Variants in KHDRBS2 observed in about 807,000 individuals in gnomAD.
KHDRBS2 encodes KH domain-containing, RNA-binding, signal transduction-associated protein 2.
In KHDRBS2, 26 loss-of-function variants were observed where a neutral mutation model predicts 44.3. The observed-to-expected ratio is 0.59, with a 90% CI of 0.43 to 0.81. KHDRBS2 has a LOEUF of 0.81. KHDRBS2 is among the 40% of genes least tolerant of loss of function. The pLI is 0.00. For missense variants in KHDRBS2, 476 were observed against 433.1 expected, an observed-to-expected ratio of 1.10 and a Z score of -0.88; for synonymous variants, 194 against 151.1, an observed-to-expected ratio of 1.28 and a Z score of -2.08.
intron 2 of KHDRBS2, among the ~76,000 whole-genome samples, chr6:62,057,798 T>C (rs1790639986): frequency 6.6e-6 from 1 of 151,942 alleles, no homozygotes; most frequent in African/African-American, 2.4e-5. Flanking sequence ...GTCAAATTCA[T>C]TTATGCTTGT....
intron 2 of KHDRBS2, among the ~76,000 whole-genome samples, chr6:62,142,956 C>T (rs1437622800): frequency 2.0e-5 from 3 of 148,772 alleles, no homozygotes; most frequent in Non-Finnish European, 4.4e-5. Flanking sequence ...TAATCAATAT[C>T]CCCATAACAA....
At chr6:61,644,359 G>T in the KHDRBS2 span, among the ~76,000 whole-genome samples, 3 of 152,106 alleles carry the variant, frequency 2.0e-5, no homozygotes, top group Non-Finnish European at 4.4e-5. Flanking sequence ...ATCCCTGGAA[G>T]ACAACTTAGG....
intron 7 of KHDRBS2, among the ~76,000 whole-genome samples, chr6:61,720,550 G>A (rs922767346): frequency 3.9e-5 from 6 of 152,136 alleles, no homozygotes; most frequent in African/African-American, 1.4e-4. Flanking sequence ...ATTTTTTCAT[G>A]TGTTTTTTGG....
chr6:61,709,133 T>C (rs1039962750), intron 7 of KHDRBS2, among the ~76,000 whole-genome samples: 1 of 151,694 alleles, frequency 6.6e-6, no homozygotes, highest in African/African-American at 2.4e-5. Context: ...AATTGGTATT[T>C]GTCAACTCAG....
At chr6:62,044,649 T>A (rs1282627711) in intron 3 of KHDRBS2, among the ~76,000 whole-genome samples, 1 of 152,068 alleles carries the variant, frequency 6.6e-6, no homozygotes, top group Non-Finnish European at 1.5e-5. Context: ...AAGTCACCTA[T>A]CTATGAAACC....
At chr6:61,777,392 T>C (rs1282896768) in intron 6 of KHDRBS2, among the ~76,000 whole-genome samples, 1 of 152,170 alleles carries the variant, frequency 6.6e-6, no homozygotes, top group Non-Finnish European at 1.5e-5. Context: ...CAGTGCAGTT[T>C]GCCATGCTGT....
intron 7 of KHDRBS2, among the ~76,000 whole-genome samples, chr6:61,726,291 A>G (rs183013153): frequency 1.1e-3 from 167 of 152,222 alleles, no homozygotes; most frequent in African/African-American, 3.9e-3. Flanking sequence ...TATGAGTCAG[A>G]TATAACAAAC....
intron 3 of KHDRBS2, among the ~76,000 whole-genome samples, chr6:61,996,671 A>G (rs1211660830): frequency 6.6e-6 from 1 of 152,176 alleles, no homozygotes; most frequent in Non-Finnish European, 1.5e-5. Context: ...AGCCCAATTG[A>G]ACTTTTTACT....
chr6:61,868,615 T>C lies in KHDRBS2; in HGVS notation c.810+26020A>G, dbSNP rs187639722. Among the ~76,000 whole-genome samples the C allele has an allele frequency of 3.0e-4, 45 of 152,214 alleles. No individual in the cohort carries two copies. In the East Asian group the frequency reaches 8.4e-3, roughly 28 times the overall value. On this transcript the variant is annotated intron_variant, in intron 6 of 8. Transcript: ENST00000281156. ...GCATTTTGGTAAAGCAGCTGCACTT[T>C]GCTGGGGGCAGGGGTCGGGGGAAGG...
chr6:61,809,982 C>T (rs1192245746), intron 6 of KHDRBS2, among the ~76,000 whole-genome samples: 1 of 152,028 alleles, frequency 6.6e-6, no homozygotes. Context: ...AAGAATACTA[C>T]AGGAGCAAGG....
At chr6:61,788,797 A>G (rs2127584395) in intron 6 of KHDRBS2, among the ~76,000 whole-genome samples, 1 of 151,378 alleles carries the variant, frequency 6.6e-6, no homozygotes. Context: ...CCTAGGAAGT[A>G]AAATGTTCAT....
At chr6:62,112,857 T>A (rs1019934674) in intron 2 of KHDRBS2, among the ~76,000 whole-genome samples, 8 of 152,140 alleles carry the variant, frequency 5.3e-5, no homozygotes, top group African/African-American at 1.7e-4. Context: ...TAGCTAGTGA[T>A]CTTCCCTGGA....
At chr6:61,590,531 A>G in the KHDRBS2 span, among the ~76,000 whole-genome samples, 1 of 152,348 alleles carries the variant, frequency 6.6e-6, no homozygotes, top group South Asian at 2.1e-4. Context: ...GATATATATA[A>G]CATGTTATGG....
the KHDRBS2 span, among the ~76,000 whole-genome samples, chr6:61,575,545 T>A: frequency 6.6e-6 from 1 of 152,172 alleles, no homozygotes; most frequent in Non-Finnish European, 1.5e-5. Flanking sequence ...GAAAACAGTA[T>A]AGAAATTCCT....
Position 61,797,723 on chromosome 6 carries a change from TTTTGTGTGTGTGTGTG to T in KHDRBS2, c.811-64975_811-64960del, listed in dbSNP as rs1448832005. Among the ~76,000 whole-genome samples, 19 of 130,384 alleles carry T rather than the reference TTTTGTGTGTGTGTGTG, an allele frequency of 1.5e-4. No homozygotes were observed. The South Asian group carries it at 3.5e-3, about 24-fold the overall frequency. 85.5% of individuals were successfully genotyped at this position (130,384 alleles called of 152,430 possible). A position where few individuals can be genotyped will look rare whatever the true frequency, so the allele number is the denominator to read the frequency against. ...TAACTGATACTGTGTCAGTATGGTG[TTTTGTGTGTGTGTGTG>T]TGTGTGTGTGTGTGTGTGTGTGTGT... On this transcript the variant is annotated intron_variant, in intron 6 of 8. Coordinates refer to ENST00000281156, the MANE Select transcript of KHDRBS2 (RefSeq NM_152688.4).
chr6:62,145,670 A>C (rs1219722615), intron 2 of KHDRBS2, among the ~76,000 whole-genome samples: 2 of 151,868 alleles, frequency 1.3e-5, no homozygotes, highest in African/African-American at 4.8e-5. Flanking sequence ...TAACTGTATC[A>C]TGTCTACTGT....
At chr6:61,624,596 T>C in the KHDRBS2 span, among the ~76,000 whole-genome samples, 84 of 152,294 alleles carry the variant, frequency 5.5e-4, no homozygotes, top group African/African-American at 1.8e-3. Flanking sequence ...ACTACTTCAT[T>C]ACAAGTATGG....
chr6:61,917,329 G>C (rs779023291), intron 4 of KHDRBS2, among the ~76,000 whole-genome samples: 3 of 151,844 alleles, frequency 2.0e-5, no homozygotes, highest in Non-Finnish European at 4.4e-5. Context: ...TATATTTAAA[G>C]CTCAAATGTA....
chr6:61,715,564 C>T (rs767028019), intron 7 of KHDRBS2, among the ~76,000 whole-genome samples: 1 of 151,980 alleles, frequency 6.6e-6, no homozygotes, highest in African/African-American at 2.4e-5. Flanking sequence ...ACAATCTCAG[C>T]CTGGCATCAG....
Sources: gnomAD v4.1 joint callset for allele counts (sites outside exome capture counted in the v4.1 genomes callset) on GRCh38, gnomAD v4.1.1 for gene constraint, MANE v1.5 for transcripts, NCBI Gene and HGNC (gene_info 2026-07-23, HGNC 2026-07-21) for gene names.